CD99L2: variants seen among roughly 807,000 people sequenced by gnomAD.
CD99L2 encodes CD99 molecule like 2.
Under a neutral mutation model 27.3 loss-of-function variants are expected in CD99L2, and 24 were observed. The observed-to-expected ratio is 0.88, with a 90% CI of 0.64 to 1.24. The LOEUF is 1.24. Ranked by LOEUF, CD99L2 falls within the 50% of genes most tolerant of loss-of-function variation. The probability of loss-of-function intolerance (pLI) is 0.00; values close to 1 mark genes in which losing one functional copy is unlikely to be tolerated. For synonymous variants in CD99L2, 97 were observed against 87.9 expected (o/e 1.10, Z -0.58); for missense variants, 255 against 221.6 (o/e 1.15, Z -0.96).
chrX:150,880,263 C>T (rs923355808), intron 1 of CD99L2, among the ~76,000 whole-genome samples: 1 of 112,230 alleles, frequency 8.9e-6, no homozygotes, highest in African/African-American at 3.2e-5. Context: ...CACAGCAGCA[C>T]CATTCATAGC....
chrX:150,836,990 T>C (rs781824653), intron 1 of CD99L2, among the ~76,000 whole-genome samples: 6 of 112,342 alleles, frequency 5.3e-5, no homozygotes, highest in Non-Finnish European at 7.5e-5. Context: ...CAGATAGCTA[T>C]ATACAGAAAT....
chrX:150,772,591 G>A (rs1183932832), intron 9 of CD99L2, among the ~76,000 whole-genome samples: 3 of 113,061 alleles, frequency 2.7e-5, no homozygotes, highest in African/African-American at 9.6e-5. Context: ...AGCATAAGGG[G>A]GATCCAGGCA....
Position 150,766,882 on chromosome X carries a change from C to G in CD99L2, c.*2152G>C, listed in dbSNP as rs1401442148. 8 of 112,017 alleles carry G rather than the reference C, an allele frequency of 7.1e-5. No individual in the cohort carries two copies. Among genetic ancestry groups the G allele is most frequent in the Admixed American group, 5.6e-4 (6 of 10,627 alleles). 9.2% of individuals were successfully genotyped at this position (112,017 alleles called of 1,213,427 possible). ...GTCACTAGGAGCTGCCACCGGTGGG[C>G]TTGAGTGCCAGGCTCTAGGCTTTGT... On this transcript the variant is annotated 3_prime_UTR_variant, in exon 11 of 11. Coordinates refer to ENST00000370377, the MANE Select transcript of CD99L2 (RefSeq NM_031462.4).
intron 1 of CD99L2, among the ~76,000 whole-genome samples, chrX:150,846,845 C>G (rs985158525): frequency 6.2e-5 from 7 of 112,218 alleles, no homozygotes; most frequent in African/African-American, 2.3e-4. Flanking sequence ...AGTCTGTTGA[C>G]TAATAACAAA....
chrX:150,840,879 G>C (rs1484070857), intron 1 of CD99L2, among the ~76,000 whole-genome samples: 9 of 108,846 alleles, frequency 8.3e-5, no homozygotes, highest in African/African-American at 3.1e-4. Flanking sequence ...CTAATATATT[G>C]GGGGTGGGGG....
At position 150,827,924 on chromosome X, in the gene CD99L2, T is replaced by G. The variant is rs782172134; in HGVS notation, c.130+3307A>C. On this transcript the variant is annotated intron_variant, in intron 2 of 10. Coordinates refer to ENST00000370377, the MANE Select transcript of CD99L2 (RefSeq NM_031462.4). Reference sequence around the variant, plus strand: ...TTTTCACTTTGAATAGGTCTTGGCGTCTTTGTCAAAAATCAACTGACCATA... The same window carrying G: ...TTTTCACTTTGAATAGGTCTTGGCGGCTTTGTCAAAAATCAACTGACCATA... Among the ~76,000 whole-genome samples, 40 of 111,860 alleles carry G rather than the reference T, an allele frequency of 3.6e-4. 1 individual carries two copies. The highest frequency in any genetic ancestry group is 5.8e-4 in the Non-Finnish European group (31 of 53,192).
intron 1 of CD99L2, among the ~76,000 whole-genome samples, chrX:150,845,543 T>C (rs2046689183): frequency 9.0e-6 from 1 of 110,737 alleles, no homozygotes; most frequent in South Asian, 3.9e-4. Flanking sequence ...GTCCTTTTTA[T>C]GGGTGGGAGC....
At chrX:150,770,480 C>T in intron 9 of CD99L2, 111 bp from the exon 10 acceptor site, 1 of 643,147 alleles carries the variant, frequency 1.6e-6, no homozygotes, top group Admixed American at 2.8e-5. Flanking sequence ...AGCACAGCTC[C>T]CCTGGGGAAC....
At chrX:150,832,090 C>G (rs1569566034) in intron 1 of CD99L2, among the ~76,000 whole-genome samples, 2 of 112,159 alleles carry the variant, frequency 1.8e-5, no homozygotes, top group East Asian at 5.6e-4. Context: ...CCAACAGCAA[C>G]AAAATACACA....
chrX:150,848,066 C>T (rs1426136274), intron 1 of CD99L2, among the ~76,000 whole-genome samples: 1 of 109,051 alleles, frequency 9.2e-6, no homozygotes, highest in Non-Finnish European at 1.9e-5. Flanking sequence ...AAGGCCTCCT[C>T]ACTACACTGA....
At chrX:150,895,224 T>A (rs782334598) in intron 1 of CD99L2, among the ~76,000 whole-genome samples, 37 of 111,224 alleles carry the variant, frequency 3.3e-4, no homozygotes, top group Non-Finnish European at 6.8e-4. Context: ...TTAAGATTAC[T>A]ACCCATCCAC....
At chrX:150,887,861 C>T (rs952200499) in intron 1 of CD99L2, among the ~76,000 whole-genome samples, 1 of 112,077 alleles carries the variant, frequency 8.9e-6, no homozygotes, top group Non-Finnish European at 1.9e-5. Flanking sequence ...AAATATACCT[C>T]ATGGTGATTA....
chrX:150,861,738 T>TA (rs1415242715), intron 1 of CD99L2, among the ~76,000 whole-genome samples: 35 of 106,685 alleles, frequency 3.3e-4, no homozygotes, highest in Non-Finnish European at 4.7e-4. Flanking sequence ...CCGTCTCTAC[T>TA]AAAAAAAAAT....
chrX:150,774,459 T>C (rs2043514396), intron 9 of CD99L2, among the ~76,000 whole-genome samples: 1 of 111,724 alleles, frequency 9.0e-6, no homozygotes, highest in Non-Finnish European at 1.9e-5. Flanking sequence ...TGAGGATCCC[T>C]GGCCGTGGGG....
intron 7 of CD99L2, among the ~76,000 whole-genome samples, chrX:150,784,828 G>GATAA (rs782154481): frequency 2.3e-4 from 26 of 112,347 alleles, no homozygotes; most frequent in Non-Finnish European, 4.3e-4. Context: ...AAGCAAAAAA[G>GATAA]ATAAACACCA....
At chrX:150,876,466 C>A (rs1215716183) in intron 1 of CD99L2, among the ~76,000 whole-genome samples, 3 of 112,084 alleles carry the variant, frequency 2.7e-5, no homozygotes, top group African/African-American at 6.5e-5. Flanking sequence ...CAAAACAAAT[C>A]AAAATAATGG....
In CD99L2 at chrX:150,793,730, T is replaced by C. The variant is rs782625112; in HGVS notation, c.457A>G (p.Ile153Val). The C allele has an allele frequency of 4.2e-6, 5 of 1,197,306 alleles. No homozygotes were observed. Among genetic ancestry groups the C allele is most frequent in the African/African-American group, 1.8e-5 (1 of 56,525 alleles). Reference protein sequence around the residue: ...GGFSDKDLEDIVGGGEYKPDK... With the variant: ...GGFSDKDLEDVVGGGEYKPDK... Reference sequence around the variant, plus strand: ...GGTTTGTATTCTCCACCCCCTACTATGTCTTCAAGATCCTTGTCTGAAAAA... The same window carrying C: ...GGTTTGTATTCTCCACCCCCTACTACGTCTTCAAGATCCTTGTCTGAAAAA... The change falls in exon 7 of 11, where the codon ATA becomes GTA. Residue 153 changes from isoleucine (I) to valine (V), a missense_variant. Transcript: ENST00000370377.
intron 7 of CD99L2, among the ~76,000 whole-genome samples, chrX:150,786,100 A>G (rs182326307): frequency 3.6e-5 from 4 of 111,046 alleles, no homozygotes; most frequent in African/African-American, 1.3e-4. Context: ...AACTGCAGTC[A>G]CTCCACATCT....
At chrX:150,771,667 G>A in intron 9 of CD99L2, 1 of 674,433 alleles carries the variant, frequency 1.5e-6, no homozygotes, top group East Asian at 3.5e-5. Context: ...GCTAAAGATG[G>A]TCCTGGTTAC....
Sources: gnomAD v4.1 joint callset for allele counts (sites outside exome capture counted in the v4.1 genomes callset) on GRCh38, gnomAD v4.1.1 for gene constraint, MANE v1.5 for transcripts, NCBI Gene and HGNC (gene_info 2026-07-23, HGNC 2026-07-21) for gene names.